Variants in OLFM3 observed in about 807,000 individuals in gnomAD.
OLFM3 encodes olfactomedin 3, also known as noelin-3.
OLFM3 carries 20 observed loss-of-function variants against 48.6 expected under a neutral mutation model. That is an observed-to-expected ratio of 0.41 (90% CI 0.29 to 0.60). The LOEUF is 0.60. OLFM3 is among the 20% of genes least tolerant of loss of function. OLFM3 has a pLI of 0.28. For missense variants in OLFM3, 437 were observed against 544.3 expected, an observed-to-expected ratio of 0.80 and a Z score of 1.96; for synonymous variants, 222 against 198.1, an observed-to-expected ratio of 1.12 and a Z score of -1.01.
intron 1 of OLFM3, among the ~76,000 whole-genome samples, chr1:101,975,171 T>TAAACAATTG (rs1660919085): frequency 6.6e-6 from 1 of 152,322 alleles, no homozygotes; most frequent in African/African-American, 2.4e-5. Context: ...TTCTCCCAGG[T>TAAACAATTG]AAACAATTGC....
intron 1 of OLFM3, among the ~76,000 whole-genome samples, chr1:101,870,582 C>T (rs1376596838): frequency 6.6e-6 from 1 of 152,134 alleles, no homozygotes; most frequent in East Asian, 1.9e-4. Context: ...GTTTCTAATG[C>T]CTCTGTACCC....
chr1:101,985,800 T>TTG (rs1444199045), intron 1 of OLFM3, among the ~76,000 whole-genome samples: 2 of 152,134 alleles, frequency 1.3e-5, no homozygotes, highest in African/African-American at 2.4e-5. Context: ...GTACTTAATT[T>TTG]TGTGTGTGTG....
intron 1 of OLFM3, among the ~76,000 whole-genome samples, chr1:101,856,131 T>C (rs958412892): frequency 2.6e-5 from 4 of 152,070 alleles, no homozygotes; most frequent in South Asian, 4.1e-4. Flanking sequence ...CTGTTTGTCA[T>C]CATTGTCCTC....
intron 1 of OLFM3, among the ~76,000 whole-genome samples, chr1:101,949,048 G>A (rs962272965): frequency 6.6e-6 from 1 of 151,530 alleles, no homozygotes; most frequent in Admixed American, 6.6e-5. Flanking sequence ...TTCTTCCTAT[G>A]TATTTGGAAT....
In OLFM3 at chr1:101,805,016, G is replaced by C; in HGVS notation, c.700-101C>G. 3.2e-6 allele frequency: 3 copies of C among 923,346 alleles called. No homozygotes were observed. In the South Asian group the frequency reaches 5.2e-5, roughly 16 times the overall value. The allele number at this position is 923,346 out of a possible 1,614,324, so 57.2% of individuals were successfully genotyped here. ...GAGTCAACACTTATTATAATTCTCAGGCTCTGGAAGCCACACTATCTTACT... is the reference window on the plus strand; with the variant it reads ...GAGTCAACACTTATTATAATTCTCACGCTCTGGAAGCCACACTATCTTACT... On this transcript the variant is annotated intron_variant, in intron 5 of 5. Coordinates refer to ENST00000370103, the MANE Select transcript of OLFM3 (RefSeq NM_058170.4).
chr1:101,950,927 T>C (rs921832911), intron 1 of OLFM3, among the ~76,000 whole-genome samples: 1 of 152,162 alleles, frequency 6.6e-6, no homozygotes, highest in Non-Finnish European at 1.5e-5. Context: ...ACTGCAAACA[T>C]GGGCAAGTAA....
At chr1:101,854,507 A>C (rs563398730) in intron 1 of OLFM3, among the ~76,000 whole-genome samples, 1 of 152,120 alleles carries the variant, frequency 6.6e-6, no homozygotes, top group African/African-American at 2.4e-5. Context: ...TGGGAGAGAA[A>C]TATATTCAGG....
At position 101,876,533 on chromosome 1, in the gene OLFM3, C is replaced by T. The variant is rs535994597; in HGVS notation, c.70-39508G>A. ...AAATTTAGGGCAGCCAATTTAATAG[C>T]TCTAGCTCTGTTTGTATTTGTTTGT... On this transcript the variant is annotated intron_variant, in intron 1 of 5. Transcript: ENST00000370103. 2.6e-5 allele frequency among the ~76,000 whole-genome samples: 4 copies of T among 152,046 alleles called. No individual in the cohort carries two copies. The East Asian group carries it at 5.8e-4, about 22-fold the overall frequency.
chr1:101,952,978 C>T (rs545922630), intron 1 of OLFM3, among the ~76,000 whole-genome samples: 1 of 152,034 alleles, frequency 6.6e-6, no homozygotes, highest in Admixed American at 6.6e-5. Flanking sequence ...TTGTGGGGTG[C>T]TGTAAGTTTT....
intron 1 of OLFM3, among the ~76,000 whole-genome samples, chr1:101,867,595 G>A (rs1425665098): frequency 2.6e-5 from 4 of 152,122 alleles, no homozygotes; most frequent in Admixed American, 1.3e-4. Flanking sequence ...TATCCCATTA[G>A]GTCAGAATAA....
intron 1 of OLFM3, among the ~76,000 whole-genome samples, chr1:101,853,901 A>G (rs1157310686): frequency 6.6e-6 from 1 of 152,080 alleles, no homozygotes; most frequent in Non-Finnish European, 1.5e-5. Flanking sequence ...GTCTAAGCCA[A>G]GAAGTACTAA....
chr1:101,825,176 T>C lies in OLFM3; in HGVS notation c.442A>G (p.Lys148Glu), dbSNP rs781140378. ...TCCTCCTTGAACTGGGTGATTAACT[T>C]AGCATCTGTTTTGTACTGTTCCAGC... ...PVLEQYKTDA[K>E]LITQFKEEIR... is the part of the protein sequence containing the mutation. The change falls in exon 4 of 6, where the codon AAG becomes GAG. Residue 148 changes from lysine (K) to glutamate (E), a missense_variant. Around this residue, in one of 3 missense-constraint regions of OLFM3, gnomAD observed 314 missense variants for 365.5 expected, o/e 0.86. Coordinates refer to ENST00000370103, the MANE Select transcript of OLFM3 (RefSeq NM_058170.4). 6.2e-7 allele frequency: 1 copy of C among 1,613,892 alleles called. No homozygotes were observed. The highest frequency in any genetic ancestry group is 8.5e-7 in the Non-Finnish European group (1 of 1,179,960).
intron 1 of OLFM3, among the ~76,000 whole-genome samples, chr1:101,987,606 C>T (rs2101117004): frequency 6.6e-6 from 1 of 152,184 alleles, no homozygotes. Flanking sequence ...GAGATGGCAT[C>T]TTTTGTAAGT....
intron 1 of OLFM3, among the ~76,000 whole-genome samples, chr1:101,966,873 T>C (rs1660627139): frequency 6.6e-6 from 1 of 152,222 alleles, no homozygotes; most frequent in Admixed American, 6.5e-5. Flanking sequence ...ATATTTCTTA[T>C]ATCTGAGAGT....
At chr1:101,959,511 T>TA (rs1660405284) in intron 1 of OLFM3, among the ~76,000 whole-genome samples, 1 of 152,118 alleles carries the variant, frequency 6.6e-6, no homozygotes, top group Non-Finnish European at 1.5e-5. Flanking sequence ...GTGCTCGGCT[T>TA]AAAAAACATC....
intron 1 of OLFM3, among the ~76,000 whole-genome samples, chr1:101,968,763 C>CA (rs1660696918): frequency 6.6e-6 from 1 of 152,138 alleles, no homozygotes; most frequent in African/African-American, 2.4e-5. Context: ...TACGATTTAA[C>CA]AAATTCCACT....
At chr1:101,842,739 G>GC (rs1274687775) in intron 1 of OLFM3, among the ~76,000 whole-genome samples, 8 of 152,100 alleles carry the variant, frequency 5.3e-5, no homozygotes, top group Non-Finnish European at 1.0e-4. Context: ...TTTACAGGCA[G>GC]CCCCCTCCAC....
rs552546617 is a variant in OLFM3 at position 101,859,217 on chromosome 1, A to G, written c.70-22192T>C. Among the ~76,000 whole-genome samples the G allele has an allele frequency of 3.7e-4, 57 of 152,244 alleles. No homozygotes were observed. In the South Asian group the frequency reaches 0.012, roughly 31 times the overall value. On this transcript the variant is annotated intron_variant, in intron 1 of 5. Coordinates refer to ENST00000370103, the MANE Select transcript of OLFM3 (RefSeq NM_058170.4). ...TCCAAAGAGAAGATTAAACATTGCT[A>G]CCACTATGTCTTTATGGAGTTTCAG... is the stretch of plus-strand genomic sequence containing the variant.
intron 1 of OLFM3, among the ~76,000 whole-genome samples, chr1:101,917,078 T>C (rs1658951105): frequency 6.6e-6 from 1 of 152,202 alleles, no homozygotes; most frequent in Non-Finnish European, 1.5e-5. Context: ...TGGATATTTT[T>C]ATTTGAGGCT....
Sources: gnomAD v4.1 joint callset for allele counts (sites outside exome capture counted in the v4.1 genomes callset) on GRCh38, gnomAD v4.1.1 for gene constraint, gnomAD v4.1.1 regional missense constraint, MANE v1.5 for transcripts, NCBI Gene and HGNC (gene_info 2026-07-23, HGNC 2026-07-21) for gene names.